Variants in GDF5 observed in about 807,000 individuals in gnomAD.
The protein encoded by GDF5 is growth/differentiation factor 5.
GDF5 carries 17 observed loss-of-function variants against 34.6 expected under a neutral mutation model. The observed-to-expected ratio is 0.49, with a 90% CI of 0.34 to 0.74. The LOEUF is 0.74. Ranked by LOEUF, GDF5 falls within the 30% of genes least tolerant of loss-of-function variation. The pLI is 0.01. For synonymous variants in GDF5, 332 were observed against 290.7 expected, an observed-to-expected ratio of 1.14 and a Z score of -1.44; for missense variants, 616 against 661.2, an observed-to-expected ratio of 0.93 and a Z score of 0.75.
intron 1 of GDF5, among the ~76,000 whole-genome samples, chr20:35,446,322 CAA>C (rs919016938): frequency 2.6e-4 from 39 of 148,868 alleles, no homozygotes; most frequent in African/African-American, 9.3e-4. Context: ...AAAACAACAA[CAA>C]AAAAAAACTT....
chr20:35,446,776 A>G (rs1445873952), intron 1 of GDF5, among the ~76,000 whole-genome samples: 2 of 152,088 alleles, frequency 1.3e-5, no homozygotes, highest in Non-Finnish European at 2.9e-5. Context: ...CTAATTCTGA[A>G]TCCAGTGCCC....
Position 35,438,072 on chromosome 20 carries a change from C to A in GDF5, c.-144G>T. 1 of 881,044 alleles carries A rather than the reference C, an allele frequency of 1.1e-6. No individual in the cohort carries two copies. The allele number at this position is 881,044 out of a possible 1,614,324, so 54.6% of individuals were successfully genotyped here. A position where few individuals can be genotyped will look rare whatever the true frequency, so the allele number is the denominator to read the frequency against. On this transcript the variant is annotated 5_prime_UTR_variant, in exon 1 of 2. Transcript: ENST00000374369. ...GCAGCAGAAGGAAAGGCTTTCTCCT[C>A]AGTCTGAGACTCTTGAAGTCTGCCG...
At chr20:35,438,284 G>T (rs750927783), upstream of GDF5, 71 of 327,534 alleles carry the variant, frequency 2.2e-4, no homozygotes, top group Non-Finnish European at 3.6e-4. Flanking sequence ...CAAGAAGGAA[G>T]AATGGCGTAA....
chr20:35,450,069 G>A (rs1315695814), intron 1 of GDF5, among the ~76,000 whole-genome samples: 2 of 151,658 alleles, frequency 1.3e-5, no homozygotes, highest in South Asian at 2.1e-4. Flanking sequence ...TTGGGAAGCC[G>A]AGGTGGGCGG....
chr20:35,451,054 A>ATATATATATATATATATATATATATAT (rs2062530183), intron 1 of GDF5, among the ~76,000 whole-genome samples: 4 of 49,174 alleles, frequency 8.1e-5, no homozygotes, highest in African/African-American at 9.2e-5. Context: ...AAAAAAAAAA[A>ATATATATATATATATATATATATATAT]AAAAAAAAAA....
chr20:35,441,930 C>T (rs1320560997), upstream of GDF5, among the ~76,000 whole-genome samples: 1 of 151,930 alleles, frequency 6.6e-6, no homozygotes, highest in Non-Finnish European at 1.5e-5. Flanking sequence ...ATGGCGTGAT[C>T]ATGGGGCTCA....
chr20:35,439,516 C>G (rs373469423), upstream of GDF5, among the ~76,000 whole-genome samples: 1 of 152,122 alleles, frequency 6.6e-6, no homozygotes, highest in Non-Finnish European at 1.5e-5. Context: ...CGTGAGCCAC[C>G]GCGCCGGGCA....
At chr20:35,448,276 C>G (rs1028118092) in intron 1 of GDF5, among the ~76,000 whole-genome samples, 1 of 151,708 alleles carries the variant, frequency 6.6e-6, no homozygotes, top group South Asian at 2.1e-4. Context: ...ACTGTTATCC[C>G]CATATTGCAG....
rs73094730 is a variant in GDF5, at chr20:35,438,063, C to T, written c.-135G>A. 0.025 allele frequency: 24,593 copies of T among 988,792 alleles called. 366 individuals are homozygous for T. The highest frequency in any genetic ancestry group is 0.031 in the Non-Finnish European group (19,720 of 643,460). 61.3% of individuals were successfully genotyped at this position (988,792 alleles called of 1,614,324 possible). ...GCAGCAGTAGCAGCAGAAGGAAAGGCTTTCTCCTCAGTCTGAGACTCTTGA... is the reference window on the plus strand; with the variant it reads ...GCAGCAGTAGCAGCAGAAGGAAAGGTTTTCTCCTCAGTCTGAGACTCTTGA... On this transcript the variant is annotated 5_prime_UTR_variant, in exon 1 of 2. Coordinates refer to ENST00000374369, the MANE Select transcript of GDF5 (RefSeq NM_000557.5).
At chr20:35,435,774 T>G (rs2062469791) in intron 1 of GDF5, among the ~76,000 whole-genome samples, 1 of 152,178 alleles carries the variant, frequency 6.6e-6, no homozygotes, top group South Asian at 2.1e-4. Flanking sequence ...GTTACAGTTG[T>G]ATGCATGTGT....
Position 35,433,721 on chromosome 20 carries a change from G to T in GDF5, c.*188C>A. On this transcript the variant is annotated 3_prime_UTR_variant, in exon 2 of 2. Transcript: ENST00000374369. Reference sequence around the variant, plus strand: ...AGACGGGCAGCAATCCTCAGCCAGGGGAACTTGTGGATAAAAGGGGGCCTT... The same window carrying T: ...AGACGGGCAGCAATCCTCAGCCAGGTGAACTTGTGGATAAAAGGGGGCCTT... 1.5e-6 allele frequency: 1 copy of T among 669,128 alleles called. No homozygotes were observed. The allele number at this position is 669,128 out of a possible 1,614,324, so 41.4% of individuals were successfully genotyped here. A position where few individuals can be genotyped will look rare whatever the true frequency, so the allele number is the denominator to read the frequency against.
chr20:35,441,117 C>T (rs898542435), upstream of GDF5: 11 of 152,204 alleles, frequency 7.2e-5, no homozygotes, highest in African/African-American at 2.4e-4. Flanking sequence ...AGCAAGGATT[C>T]TGGAGACAAA....
upstream of GDF5, among the ~76,000 whole-genome samples, chr20:35,439,236 CTTTTT>C (rs1210665697): frequency 7.7e-6 from 1 of 129,266 alleles, no homozygotes; most frequent in Non-Finnish European, 1.6e-5. Context: ...CCACATGACG[CTTTTT>C]TTTTTTTTTT....
upstream of GDF5, among the ~76,000 whole-genome samples, chr20:35,438,853 GTGTGTGTTTATGTGCC>G (rs2062487381): frequency 4.1e-5 from 1 of 24,156 alleles, no homozygotes; most frequent in Non-Finnish European, 1.4e-4. Context: ...GTGTGTGTGT[GTGTGTGTTTATGTGCC>G]TGTGTGTGTG....
In GDF5 at chr20:35,437,960, G is replaced by T; in HGVS notation, c.-32C>A. On this transcript the variant is annotated 5_prime_UTR_variant, in exon 1 of 2. Transcript: ENST00000374369. ...GCCAGCCGCTGAATGACACCAAAGA[G>T]AACAGCGGCAGCAGCGAAGGTGCCT... The T allele has an allele frequency of 6.2e-7, 1 of 1,613,152 alleles. No homozygotes were observed. The highest frequency in any genetic ancestry group is 1.1e-5 in the South Asian group (1 of 90,910).
chr20:35,434,360 T>C lies in GDF5; in HGVS notation c.1055A>G (p.Asp352Gly). 1 of 1,613,608 alleles carries C rather than the reference T, an allele frequency of 6.2e-7. No homozygotes were observed. The highest frequency in any genetic ancestry group is 8.5e-7 in the Non-Finnish European group (1 of 1,179,960). ...FLVFGRTKKR[D>G]LFFNEIKARS... ...GGCCTTAATCTCATTAAAGAACAGG[T>C]CCCGTTTCTTGGTGCGGCCAAACAC... Residue 352 changes from aspartate to glycine, a missense_variant, in exon 2 of 2, where the codon GAC (aspartate) becomes GGC (glycine). Asp to Gly is a moderately conservative substitution (Grantham distance 94). Transcript: ENST00000374369.
chr20:35,433,968 T>G lies in GDF5; in HGVS notation c.1447A>C (p.Asn483His). The change falls in exon 2 of 2, where the codon AAC (asparagine) becomes CAC (histidine). Residue 483 changes from asparagine to histidine, a missense_variant. Asn to His is a moderately conservative substitution (Grantham distance 68, BLOSUM62 1). Coordinates refer to ENST00000374369, the MANE Select transcript of GDF5 (RefSeq NM_000557.5). ...PISILFIDSA[N>H]NVVYKQYEDM... is the part of the protein sequence containing the mutation. ...TCATACTGCTTATACACCACGTTGT[T>G]GGCAGAGTCAATGAAGAGGATGCTG... 1 of 1,614,072 alleles carries G rather than the reference T, an allele frequency of 6.2e-7. No homozygotes were observed.
At chr20:35,447,726 C>A (rs1003121498) in intron 1 of GDF5, among the ~76,000 whole-genome samples, 1 of 152,012 alleles carries the variant, frequency 6.6e-6, no homozygotes, top group Non-Finnish European at 1.5e-5. Flanking sequence ...TTCCTCCCAC[C>A]CCAGACCCTG....
chr20:35,446,335 G>C (rs1442617123), intron 1 of GDF5, among the ~76,000 whole-genome samples: 1 of 151,594 alleles, frequency 6.6e-6, no homozygotes, highest in Non-Finnish European at 1.5e-5. Context: ...AAAAAAACTT[G>C]TATCACAGAG....
Sources: gnomAD v4.1 joint callset for allele counts (sites outside exome capture counted in the v4.1 genomes callset) on GRCh38, gnomAD v4.1.1 for gene constraint, MANE v1.5 for transcripts, NCBI Gene and HGNC (gene_info 2026-07-23, HGNC 2026-07-21) for gene names.